The following RPTOR variants were observed in gnomAD, a reference collection of about 807,000 sequenced individuals.
The protein encoded by RPTOR is regulatory associated protein of MTOR complex 1, also known as regulatory-associated protein of mTOR.
Under a neutral mutation model 169.9 loss-of-function variants are expected in RPTOR, and 21 were observed. The ratio of observed to expected loss-of-function variants is 0.12; its 90% CI spans 0.09 to 0.18. The LOEUF is 0.18. RPTOR is among the 10% of genes least tolerant of loss of function. The pLI is 1.00. For missense variants in RPTOR, 1,133 were observed against 1,855.9 expected (o/e 0.61, Z 7.16); for synonymous variants, 732 against 753.2 (o/e 0.97, Z 0.46).
chr17:80,703,718 C>T (rs898619453), intron 3 of RPTOR, among the ~76,000 whole-genome samples: 1 of 152,192 alleles, frequency 6.6e-6, no homozygotes, highest in South Asian at 2.1e-4. Context: ...GGAGGAGCCT[C>T]GGTGATGGCT....
At chr17:80,937,625 G>A (rs979429954) in intron 24 of RPTOR, among the ~76,000 whole-genome samples, 1 of 152,242 alleles carries the variant, frequency 6.6e-6, no homozygotes, top group Admixed American at 6.5e-5. Flanking sequence ...GCCTCCAGGA[G>A]CTCTGTTTAC....
chr17:80,707,777 G>C lies in RPTOR; in HGVS notation c.349-64G>C, dbSNP rs1286634560. 1.3e-6 allele frequency: 2 copies of C among 1,504,336 alleles called. No homozygotes were observed. The highest frequency in any genetic ancestry group is 2.3e-5 in the East Asian group (1 of 43,834). 93.2% of individuals were successfully genotyped at this position (1,504,336 alleles called of 1,614,324 possible). ...ACTGCAAACCCAGAGGAAAGGGTAGGGGATGAGTTCCAAGCATTCCCTGGA... is the reference window on the plus strand; with the variant it reads ...ACTGCAAACCCAGAGGAAAGGGTAGCGGATGAGTTCCAAGCATTCCCTGGA... On this transcript the variant is annotated intron_variant, in intron 3 of 33. Coordinates refer to ENST00000306801, the MANE Select transcript of RPTOR (RefSeq NM_020761.3). This position sits in a 1 kb window ranked among gnomAD's most constrained non-coding sequence, Gnocchi z 5.0.
At chr17:80,634,382 ATACTGTGTGCGTG>A (rs2065474652) in intron 2 of RPTOR, among the ~76,000 whole-genome samples, 1 of 79,420 alleles carries the variant, frequency 1.3e-5, no homozygotes, top group African/African-American at 5.1e-5. Context: ...GTGTGTGTGC[ATACTGTGTGCGTG>A]TGCATACCGT....
chr17:80,788,635 C>G (rs776240810), intron 6 of RPTOR, among the ~76,000 whole-genome samples: 1 of 152,042 alleles, frequency 6.6e-6, no homozygotes, highest in African/African-American at 2.4e-5. Context: ...TTTTCATTGT[C>G]TTTTTAATAT....
chr17:80,772,398 C>G (rs1364657300), intron 6 of RPTOR, among the ~76,000 whole-genome samples: 2 of 151,994 alleles, frequency 1.3e-5, no homozygotes, highest in Non-Finnish European at 2.9e-5. Flanking sequence ...GCAGGGACCA[C>G]CAGTGCTGTC....
rs2068677967 is a variant in RPTOR, at chr17:80,916,733, C to T, written c.2521-5991C>T. On this transcript the variant is annotated intron_variant, in intron 21 of 33. Transcript: ENST00000306801. ...AATAAACATTGGCCGAGTGCGATGG[C>T]TCACACCTGTAATCCCAGCACTTTG... Among the ~76,000 whole-genome samples, 6 of 152,368 alleles carry T rather than the reference C, an allele frequency of 3.9e-5. No homozygotes were observed. In the South Asian group the frequency reaches 1.0e-3, roughly 26 times the overall value.
Position 80,730,454 on chromosome 17 carries a change from C to T in RPTOR, c.508-106C>T. The stretch of plus-strand genomic sequence containing the variant: ...TATAAAGGCTAACTCAGCGTCTCTC[C>T]AGCCACCAGGCTCAATGTGTGTGCC... On this transcript the variant is annotated intron_variant, in intron 4 of 33. Transcript: ENST00000306801. This position sits in a 1 kb window ranked among gnomAD's most constrained non-coding sequence, Gnocchi z 4.2. 7.6e-7 allele frequency: 1 copy of T among 1,318,040 alleles called. No homozygotes were observed. The highest frequency in any genetic ancestry group is 1.1e-6 in the Non-Finnish European group (1 of 934,912). 81.6% of individuals were successfully genotyped at this position (1,318,040 alleles called of 1,614,324 possible). A position where few individuals can be genotyped will look rare whatever the true frequency, so the allele number is the denominator to read the frequency against.
intron 5 of RPTOR, chr17:80,743,460 G>A: frequency 1.0e-6 from 1 of 985,494 alleles, no homozygotes; most frequent in Non-Finnish European, 1.2e-6. Flanking sequence ...AGAGGCAGGA[G>A]AACACGTGAC....
intron 3 of RPTOR, among the ~76,000 whole-genome samples, chr17:80,689,271 T>C (rs756077): frequency 0.18 from 26,756 of 152,134 alleles, 3,762 homozygotes; most frequent in African/African-American, 0.39. Context: ...CCTAGAGAGG[T>C]TGCATCTGCA....
chr17:80,871,022 G>A (rs2068046052), intron 13 of RPTOR, among the ~76,000 whole-genome samples: 1 of 152,138 alleles, frequency 6.6e-6, no homozygotes, highest in African/African-American at 2.4e-5. Flanking sequence ...CAGTTTCCCA[G>A]ACTCTCCTTG....
chr17:80,777,910 G>C (rs764743395), intron 6 of RPTOR, among the ~76,000 whole-genome samples: 62 of 152,176 alleles, frequency 4.1e-4, no homozygotes, highest in Non-Finnish European at 2.6e-4. Flanking sequence ...AAGAAAAGGT[G>C]AACGCCAGAG....
intron 21 of RPTOR, among the ~76,000 whole-genome samples, chr17:80,918,509 ATGAG>A (rs1567986215): frequency 7.9e-5 from 8 of 101,856 alleles, no homozygotes; most frequent in East Asian, 2.4e-4. Context: ...GGTCATAGCC[ATGAG>A]CACCCTCGCG....
rs912175236 is a variant in RPTOR, at chr17:80,823,462, G to A, written c.1136+239G>A. 15 of 436,574 alleles carry A rather than the reference G, an allele frequency of 3.4e-5. No individual in the cohort carries two copies. The highest frequency in any genetic ancestry group is 4.4e-5 in the Non-Finnish European group (11 of 247,342). The allele number at this position is 436,574 out of a possible 1,614,324, so 27.0% of individuals were successfully genotyped here. ...TTAGGACTGCACGGGAGCAGCGGCC[G>A]GCTGAAGCCTCACAGCTCTGCAACT... On this transcript the variant is annotated intron_variant, in intron 9 of 33. Transcript: ENST00000306801. This position sits in a 1 kb window ranked among gnomAD's most constrained non-coding sequence, Gnocchi z 4.5.
At chr17:80,604,556 A>G (rs972380863) in intron 1 of RPTOR, among the ~76,000 whole-genome samples, 1 of 152,188 alleles carries the variant, frequency 6.6e-6, no homozygotes, top group African/African-American at 2.4e-5. Context: ...CAGAAGGTAA[A>G]ATCCTCCTGT....
At chr17:80,619,055 G>A (rs1195020545) in intron 1 of RPTOR, among the ~76,000 whole-genome samples, 2 of 152,198 alleles carry the variant, frequency 1.3e-5, no homozygotes. Flanking sequence ...TTATGCATTT[G>A]TGTAGCTTCG....
chr17:80,956,481 C>T (rs1201955095), intron 28 of RPTOR, among the ~76,000 whole-genome samples: 1 of 152,256 alleles, frequency 6.6e-6, no homozygotes, highest in Non-Finnish European at 1.5e-5. Context: ...GGAGTCAGCC[C>T]CTTGCTGTCT....
intron 5 of RPTOR, among the ~76,000 whole-genome samples, chr17:80,745,131 G>A (rs985069724): frequency 4.6e-5 from 7 of 152,234 alleles, no homozygotes; most frequent in African/African-American, 7.2e-5. Flanking sequence ...TTGATATAGA[G>A]GGTGAAGAAT....
chr17:80,583,433 T>C (rs551796272), intron 1 of RPTOR, among the ~76,000 whole-genome samples: 27 of 152,104 alleles, frequency 1.8e-4, no homozygotes, highest in Admixed American at 9.8e-4. Context: ...TCAAGTGATC[T>C]GCAAGCCTTA....
chr17:80,566,580 G>A (rs146456263), intron 1 of RPTOR, among the ~76,000 whole-genome samples: 2,745 of 152,076 alleles, frequency 0.018, 85 homozygotes, highest in African/African-American at 0.063. Flanking sequence ...CAGCTCTTAG[G>A]GAGGCCGAGG....
Sources: allele counts gnomAD v4.1 joint callset (sites outside exome capture counted in the v4.1 genomes callset), GRCh38; gene constraint gnomAD v4.1.1; non-coding constraint Gnocchi (gnomAD v3.1); transcripts MANE v1.5; gene names NCBI Gene and HGNC (gene_info 2026-07-23, HGNC 2026-07-21).